Variants in DAB1 observed in about 807,000 individuals in gnomAD.
DAB1 encodes disabled homolog 1.
A neutral mutation model predicts 64.6 loss-of-function variants in DAB1; 15 were observed. The observed-to-expected ratio is 0.23, with a 90% CI of 0.16 to 0.36. The LOEUF is 0.36. Ranked by LOEUF, DAB1 falls within the 10% of genes least tolerant of loss-of-function variation. The probability of loss-of-function intolerance (pLI) is 1.00; values close to 1 mark genes in which losing one functional copy is unlikely to be tolerated. For synonymous variants in DAB1, 235 were observed against 251.9 expected, an observed-to-expected ratio of 0.93 and a Z score of 0.64; for missense variants, 596 against 706.7, an observed-to-expected ratio of 0.84 and a Z score of 1.78.
chr1:57,131,809 T>C (rs1325293100), intron 4 of DAB1, among the ~76,000 whole-genome samples: 1 of 152,176 alleles, frequency 6.6e-6, no homozygotes, highest in Non-Finnish European at 1.5e-5. Context: ...TGTTATGCCT[T>C]AGTCATTTTG....
At chr1:58,485,695 T>C (rs936138187) in intron 3 of DAB1, among the ~76,000 whole-genome samples, 4 of 152,162 alleles carry the variant, frequency 2.6e-5, no homozygotes, top group African/African-American at 9.6e-5. Flanking sequence ...TTATTAAATA[T>C]ATCTTCATCT....
intron 5 of DAB1, among the ~76,000 whole-genome samples, chr1:57,947,503 C>T (rs1645201636): frequency 6.6e-6 from 1 of 152,118 alleles, no homozygotes; most frequent in Non-Finnish European, 1.5e-5. Context: ...CCACTAAATA[C>T]CCAACAGCAC....
At chr1:58,034,549 A>AT (rs1647016986) in intron 5 of DAB1, among the ~76,000 whole-genome samples, 2 of 152,262 alleles carry the variant, frequency 1.3e-5, no homozygotes, top group Admixed American at 1.3e-4. Context: ...GTTTCTCTAA[A>AT]TATCAGTAAC....
At chr1:57,573,542 C>A (rs549426393) in intron 7 of DAB1, among the ~76,000 whole-genome samples, 18 of 152,222 alleles carry the variant, frequency 1.2e-4, no homozygotes, top group Non-Finnish European at 2.5e-4. Context: ...CATGTTATTG[C>A]TCTAAACAAA....
chr1:58,510,880 T>A (rs1646065276), intron 2 of DAB1, among the ~76,000 whole-genome samples: 2 of 151,886 alleles, frequency 1.3e-5, no homozygotes, highest in Admixed American at 1.3e-4. Context: ...ACAGGAAAAT[T>A]AAAAAGAATA....
chr1:57,557,299 C>T (rs555897726), intron 7 of DAB1, among the ~76,000 whole-genome samples: 2 of 152,264 alleles, frequency 1.3e-5, no homozygotes, highest in South Asian at 4.1e-4. Context: ...GAATATCAAA[C>T]TCCAAGTTCT....
intron 7 of DAB1, among the ~76,000 whole-genome samples, chr1:57,555,247 A>G (rs1644973879): frequency 1.3e-5 from 2 of 151,736 alleles, no homozygotes; most frequent in Non-Finnish European, 2.9e-5. Context: ...GTTGGCCAGG[A>G]TGGTCTCCAT....
chr1:58,074,326 A>G lies in DAB1; in HGVS notation n.387+76185T>C, dbSNP rs1031199059. 37 of 151,868 alleles carry G rather than the reference A, an allele frequency of 2.4e-4. 1 individual carries two copies. Among genetic ancestry groups the G allele is most frequent in the Admixed American group, 3.3e-4 (5 of 15,214 alleles). The allele number at this position is 151,868 out of a possible 1,614,324, so 9.4% of individuals were successfully genotyped here. On this transcript the variant is annotated intron_variant and non_coding_transcript_variant, in intron 5 of 20. Transcript: ENST00000485760. ...AGAGCTACTCTTGGAGCTGTGGCTT[A>G]GAAATATAATTCTGTTGCACTAGGC...
intron 6 of DAB1, among the ~76,000 whole-genome samples, chr1:57,814,891 T>C (rs1023212270): frequency 6.6e-6 from 1 of 152,132 alleles, no homozygotes; most frequent in African/African-American, 2.4e-5. Context: ...GTTCTTCTCA[T>C]ACCTAAAATG....
chr1:57,715,128 G>A (rs559004903), intron 6 of DAB1, among the ~76,000 whole-genome samples: 1 of 152,246 alleles, frequency 6.6e-6, no homozygotes, highest in Admixed American at 6.5e-5. Context: ...TTCAACATAT[G>A]CTAATCAATG....
At chr1:58,452,937 A>C (rs1296293989) in intron 3 of DAB1, among the ~76,000 whole-genome samples, 1 of 152,230 alleles carries the variant, frequency 6.6e-6, no homozygotes. Flanking sequence ...AAAATGAAAA[A>C]GTATATTCAC....
intron 6 of DAB1, among the ~76,000 whole-genome samples, chr1:57,682,257 A>G (rs977385446): frequency 2.0e-5 from 3 of 151,870 alleles, no homozygotes; most frequent in African/African-American, 7.3e-5. Flanking sequence ...ATGGGTAAAA[A>G]TAGAACAAAC....
intron 3 of DAB1, among the ~76,000 whole-genome samples, chr1:58,464,051 C>A (rs1319815659): frequency 6.6e-6 from 1 of 152,164 alleles, no homozygotes; most frequent in Non-Finnish European, 1.5e-5. Flanking sequence ...AGGTGCAGAG[C>A]CTGGGCTGTA....
intron 4 of DAB1, among the ~76,000 whole-genome samples, chr1:58,297,192 T>G (rs1224530477): frequency 6.6e-6 from 1 of 152,204 alleles, no homozygotes; most frequent in Non-Finnish European, 1.5e-5. Context: ...TATATTTAAG[T>G]GAAATAGGGT....
chr1:58,058,705 G>A (rs762297566), intron 5 of DAB1, among the ~76,000 whole-genome samples: 1 of 152,230 alleles, frequency 6.6e-6, no homozygotes, highest in Non-Finnish European at 1.5e-5. Flanking sequence ...ATCACAGAAA[G>A]ATGTGCATCC....
At chr1:57,244,987 T>TA (rs1226942816) in intron 2 of DAB1, among the ~76,000 whole-genome samples, 1 of 152,018 alleles carries the variant, frequency 6.6e-6, no homozygotes, top group Non-Finnish European at 1.5e-5. Flanking sequence ...TGGAACTGGG[T>TA]AAGGGGTAGA....
rs530177373 is a variant in DAB1, at chr1:57,923,393, G to A, written n.388-39231C>T. On this transcript the variant is annotated intron_variant and non_coding_transcript_variant, in intron 5 of 20. Coordinates refer to the DAB1 transcript ENST00000485760. ...TGGGACCACCAAATTGATTGCATCA[G>A]TATGGCAGGGCACACCTCTCTATGT... Among the ~76,000 whole-genome samples the A allele has an allele frequency of 2.0e-5, 3 of 152,304 alleles. No homozygotes were observed. The South Asian group carries it at 6.2e-4, about 32-fold the overall frequency.
chr1:58,013,206 G>A (rs1646693620), intron 5 of DAB1, among the ~76,000 whole-genome samples: 1 of 152,134 alleles, frequency 6.6e-6, no homozygotes, highest in African/African-American at 2.4e-5. Context: ...AAATTAACCT[G>A]ACTAATAGAG....
At chr1:57,984,958 T>C (rs1297810405) in intron 5 of DAB1, among the ~76,000 whole-genome samples, 1 of 151,846 alleles carries the variant, frequency 6.6e-6, no homozygotes, top group Non-Finnish European at 1.5e-5. Context: ...ACCCAGGCTA[T>C]AGCACAGTGG....
Sources: gnomAD v4.1 joint callset for allele counts (sites outside exome capture counted in the v4.1 genomes callset) on GRCh38, gnomAD v4.1.1 for gene constraint, MANE v1.5 for transcripts, NCBI Gene and HGNC (gene_info 2026-07-23, HGNC 2026-07-21) for gene names.